The following SPTAN1 variants were observed in gnomAD, a reference collection of about 807,000 sequenced individuals.
SPTAN1 encodes the protein spectrin alpha, non-erythrocytic 1.
Under a neutral mutation model 331.3 loss-of-function variants are expected in SPTAN1, and 61 were observed. The observed-to-expected ratio is 0.18, with a 90% CI of 0.15 to 0.23. The LOEUF (loss-of-function observed/expected upper bound fraction) is 0.23, where lower values mean the gene tolerates loss of function less well. Among genes scored for constraint, SPTAN1 ranks in the 10% least tolerant of loss-of-function variants. The probability of loss-of-function intolerance (pLI) is 1.00; values close to 1 mark genes in which losing one functional copy is unlikely to be tolerated. For missense variants in SPTAN1, 2,043 were observed against 3,147.9 expected (o/e 0.65, Z 8.40); for synonymous variants, 1,153 against 1,173.9 (o/e 0.98, Z 0.36).
rs1194105204 is a variant in SPTAN1 at position 128,605,415 on chromosome 9, A to G, written c.3984A>G (p.Ala1328=). 6.2e-7 allele frequency: 1 copy of G among 1,614,244 alleles called. No individual in the cohort carries two copies. Among genetic ancestry groups the G allele is most frequent in the Non-Finnish European group, 8.5e-7 (1 of 1,180,040 alleles). ...NQAWSSLGKR[A]DQRKAKLGDS... ...CCTGGAGCAGCCTGGGGAAACGTGCAGATCAGCGCAAGGCAAAGTTGGGTG... is the reference window on the plus strand; with the variant it reads ...CCTGGAGCAGCCTGGGGAAACGTGCGGATCAGCGCAAGGCAAAGTTGGGTG... The change falls in exon 31 of 57, where the codon GCA becomes GCG. Residue 1328 remains alanine (A), a synonymous_variant. Coordinates refer to ENST00000372739, the MANE Select transcript of SPTAN1 (RefSeq NM_001130438.3).
Position 128,575,318 on chromosome 9 carries a change from G to T in SPTAN1, c.624G>T (p.Val208=). The T allele has an allele frequency of 1.2e-6, 2 of 1,613,246 alleles. No individual in the cohort carries two copies. The highest frequency in any genetic ancestry group is 8.5e-7 in the Non-Finnish European group (1 of 1,180,030). The part of the protein sequence containing the change: ...MAAHEERVNE[V]NQFAAKLIQE... Reference sequence around the variant, plus strand: ...CTCATGAAGAAAGAGTTAATGAAGTGAACCAGTTTGCTGCCAAACTCATAC... The same window carrying T: ...CTCATGAAGAAAGAGTTAATGAAGTTAACCAGTTTGCTGCCAAACTCATAC... The change falls in exon 5 of 57, where the codon GTG becomes GTT. Residue 208 remains valine, a synonymous_variant. Coordinates refer to ENST00000372739, the MANE Select transcript of SPTAN1 (RefSeq NM_001130438.3).
At chr9:128,611,464 T>C (rs950411437) in intron 37 of SPTAN1, 5 of 459,990 alleles carry the variant, frequency 1.1e-5, no homozygotes, top group Non-Finnish European at 2.0e-5. Flanking sequence ...AGCAAGACCC[T>C]GTCTCAAAAA....
At chr9:128,597,397 G>T (rs765474158) in intron 24 of SPTAN1, among the ~76,000 whole-genome samples, 2 of 152,132 alleles carry the variant, frequency 1.3e-5, no homozygotes, top group African/African-American at 4.8e-5. Flanking sequence ...AGTGGTGTGT[G>T]CCTATAGTCC....
intron 51 of SPTAN1, 127 bp downstream of exon 51, chr9:128,628,069 C>A: frequency 8.6e-7 from 1 of 1,169,284 alleles, no homozygotes; most frequent in Non-Finnish European, 1.3e-6. Flanking sequence ...CACTTCCCCT[C>A]CCACCCTTCT....
intron 1 of SPTAN1, among the ~76,000 whole-genome samples, chr9:128,561,807 C>T (rs901642772): frequency 1.3e-5 from 2 of 151,900 alleles, no homozygotes; most frequent in Admixed American, 1.3e-4. Flanking sequence ...ACTAAATTAC[C>T]TGTCTCCCAA....
intron 1 of SPTAN1, among the ~76,000 whole-genome samples, chr9:128,559,059 C>T (rs995229878): frequency 6.6e-6 from 1 of 152,146 alleles, no homozygotes; most frequent in Non-Finnish European, 1.5e-5. Context: ...ATTCTGAATG[C>T]TGACTGCAGT....
At position 128,605,460 on chromosome 9, in the gene SPTAN1, C is replaced by A; in HGVS notation, c.4029C>A (p.Arg1343=). 1 of 1,614,162 alleles carries A rather than the reference C, an allele frequency of 6.2e-7. No individual in the cohort carries two copies. Among genetic ancestry groups the A allele is most frequent in the Non-Finnish European group, 8.5e-7 (1 of 1,180,028 alleles). Residue 1343 remains arginine (R), a synonymous_variant, in exon 31 of 57, where the codon CGC becomes CGA. Coordinates refer to ENST00000372739, the MANE Select transcript of SPTAN1 (RefSeq NM_001130438.3). ...AKLGDSHDLQ[R]FLSDFRDLMS... ...TGGGTGACTCCCACGACCTGCAGCG[C>A]TTCCTTAGCGATTTCCGGTACGGAG...
At chr9:128,555,399 G>A (rs1326708962) in intron 1 of SPTAN1, 3 of 1,289,344 alleles carry the variant, frequency 2.3e-6, no homozygotes, top group Non-Finnish European at 3.0e-6. Context: ...GCAGAGTCCA[G>A]GTATTTGACG....
chr9:128,563,412 C>T (rs1328392796), intron 1 of SPTAN1, among the ~76,000 whole-genome samples: 3 of 149,526 alleles, frequency 2.0e-5, no homozygotes, highest in African/African-American at 7.4e-5. Context: ...GAGACCCTGC[C>T]AAAAAACAAA....
At chr9:128,586,112 G>GTTTTTTTTTTTTTTTTTTTTTT (rs35434571) in intron 19 of SPTAN1, 147 bp downstream of exon 19, 1 of 206,702 alleles carries the variant, frequency 4.8e-6, no homozygotes, top group Non-Finnish European at 8.5e-6. Flanking sequence ...TTTTCACTTG[G>GTTTTTTTTTTTTTTTTTTTTTT]TTTTTTTTTT....
At chr9:128,566,264 C>A (rs1031790853) in intron 1 of SPTAN1, among the ~76,000 whole-genome samples, 1 of 151,986 alleles carries the variant, frequency 6.6e-6, no homozygotes, top group Admixed American at 6.6e-5. Context: ...CACCTTGTTG[C>A]CCAGCTGCTC....
chr9:128,598,706 G>A, intron 25 of SPTAN1: 1 of 659,618 alleles, frequency 1.5e-6, no homozygotes, highest in Non-Finnish European at 2.7e-6. Flanking sequence ...TTTGGAGGGG[G>A]GTGGGGGCTT....
chr9:128,574,951 C>T, intron 4 of SPTAN1, 136 bp downstream of exon 4: 1 of 1,280,004 alleles, frequency 7.8e-7, no homozygotes, highest in East Asian at 2.3e-5. Flanking sequence ...GGGTTGCTGT[C>T]TCTCCAGCTG....
In SPTAN1 at chr9:128,625,014, A is replaced by C. The variant is rs1200052523; in HGVS notation, c.5993-89A>C. ...GAAGATTGGGATTTATCTGTACACA[A>C]AAAATGGTTTGTCTGGGTTTTGATG... On this transcript the variant is annotated intron_variant, in intron 46 of 56. Coordinates refer to ENST00000372739, the MANE Select transcript of SPTAN1 (RefSeq NM_001130438.3). The surrounding 1 kb of genome is among the most constrained non-coding windows in gnomAD (Gnocchi z 4.1). The C allele has an allele frequency of 5.4e-6, 7 of 1,290,388 alleles. No homozygotes were observed. The highest frequency in any genetic ancestry group is 7.9e-6 in the Non-Finnish European group (7 of 887,662). 79.9% of individuals were successfully genotyped at this position (1,290,388 alleles called of 1,614,324 possible).
chr9:128,578,334 G>A (rs879419171), intron 9 of SPTAN1, 89 bp downstream of exon 9: 60 of 1,546,186 alleles, frequency 3.9e-5, no homozygotes, highest in Non-Finnish European at 4.9e-5. Context: ...TATAGTCGGC[G>A]TTGGTACCAT....
At position 128,615,686 on chromosome 9, in the gene SPTAN1, T is replaced by G. The variant is rs1283372967; in HGVS notation, c.5203T>G (p.Phe1735Val). The G allele has an allele frequency of 6.2e-7, 1 of 1,614,146 alleles. No homozygotes were observed. The highest frequency in any genetic ancestry group is 8.5e-7 in the Non-Finnish European group (1 of 1,180,034). Residue 1735 changes from phenylalanine (F) to valine (V), a missense_variant, in exon 41 of 57, where the codon TTC becomes GTC. Physicochemically the swap from Phe to Val is conservative, Grantham distance 50. Transcript: ENST00000372739. ...AGACAGCCTGATGACCAGCAGTGCC[T>G]TCGACACCTCCCAAGTAAAGGACAA... ...QADSLMTSSA[F>V]DTSQVKDKRD... is the part of the protein sequence containing the mutation.
chr9:128,597,959 T>C (rs745946054), intron 24 of SPTAN1, among the ~76,000 whole-genome samples: 10 of 151,742 alleles, frequency 6.6e-5, no homozygotes, highest in Non-Finnish European at 8.8e-5. Flanking sequence ...TGTTTTGTTT[T>C]GTTTTTGAGA....
intron 2 of SPTAN1, among the ~76,000 whole-genome samples, chr9:128,567,674 T>C (rs1850196013): frequency 6.6e-6 from 1 of 152,234 alleles, no homozygotes; most frequent in Admixed American, 6.5e-5. Context: ...AAAGAATAAG[T>C]ACTTAAAGTT....
chr9:128,630,327 T>G lies in SPTAN1; in HGVS notation c.6714T>G (p.Cys2238Trp). The G allele has an allele frequency of 6.2e-7, 1 of 1,613,504 alleles. No homozygotes were observed. The highest frequency in any genetic ancestry group is 8.5e-7 in the Non-Finnish European group (1 of 1,179,980). ...ACTGTCCTTCCACGTTTAGGTCCTGTATGGTGGAAGAGTCGGGGACCCTCG... is the reference window on the plus strand; with the variant it reads ...ACTGTCCTTCCACGTTTAGGTCCTGGATGGTGGAAGAGTCGGGGACCCTCG... ...ETRTYLLDGS[C>W]MVEESGTLES... is the part of the protein sequence containing the mutation. The change falls in exon 52 of 57, where the codon TGT (cysteine) becomes TGG (tryptophan). Residue 2238 changes from cysteine to tryptophan, a missense_variant. By Grantham distance (215) the Cys-to-Trp change is radical. Coordinates refer to ENST00000372739, the MANE Select transcript of SPTAN1 (RefSeq NM_001130438.3).
Sources: gnomAD v4.1 joint callset for allele counts (sites outside exome capture counted in the v4.1 genomes callset) on GRCh38, gnomAD v4.1.1 for gene constraint, Gnocchi (gnomAD v3.1) non-coding constraint, MANE v1.5 for transcripts, NCBI Gene and HGNC (gene_info 2026-07-23, HGNC 2026-07-21) for gene names.